Variants in GPR158 observed in about 807,000 individuals in gnomAD.
GPR158 encodes the protein G protein-coupled receptor 158.
Under a neutral mutation model 78.2 loss-of-function variants are expected in GPR158, and 30 were observed. The observed-to-expected ratio is 0.38, with a 90% CI of 0.29 to 0.52. The LOEUF (loss-of-function observed/expected upper bound fraction) is 0.52, where lower values mean the gene tolerates loss of function less well. GPR158 is among the 20% of genes least tolerant of loss of function. GPR158 has a pLI of 0.83. For synonymous variants in GPR158, 581 were observed against 591.1 expected, an observed-to-expected ratio of 0.98 and a Z score of 0.25; for missense variants, 1,463 against 1,523.5, an observed-to-expected ratio of 0.96 and a Z score of 0.66.
At chr10:25,326,204 T>C (rs754823551) in intron 2 of GPR158, among the ~76,000 whole-genome samples, 30 of 152,144 alleles carry the variant, frequency 2.0e-4, no homozygotes, top group Non-Finnish European at 2.9e-4. Context: ...GAACATGTAG[T>C]GTGTGGTTTT....
At chr10:25,216,947 A>G (rs2130677355) in intron 1 of GPR158, among the ~76,000 whole-genome samples, 1 of 152,302 alleles carries the variant, frequency 6.6e-6, no homozygotes, top group East Asian at 1.9e-4. Flanking sequence ...ATGTCATTCC[A>G]AGGAACGTGG....
At chr10:25,328,319 T>C (rs1855065463) in intron 2 of GPR158, among the ~76,000 whole-genome samples, 1 of 152,192 alleles carries the variant, frequency 6.6e-6, no homozygotes, top group South Asian at 2.1e-4. Flanking sequence ...CTGAAGCCTA[T>C]TGATAAACTT....
intron 1 of GPR158, among the ~76,000 whole-genome samples, chr10:25,214,881 GA>G (rs1853185410): frequency 6.6e-6 from 1 of 152,126 alleles, no homozygotes; most frequent in Non-Finnish European, 1.5e-5. Context: ...CTAGCTTAAA[GA>G]ATTGTGAGAA....
chr10:25,232,588 A>G (rs1459335584), intron 2 of GPR158, among the ~76,000 whole-genome samples: 3 of 152,118 alleles, frequency 2.0e-5, no homozygotes, highest in Non-Finnish European at 4.4e-5. Context: ...TGGTATCTTC[A>G]CCAAGACGTT....
intron 4 of GPR158, among the ~76,000 whole-genome samples, chr10:25,426,100 G>A (rs1232598567): frequency 6.6e-6 from 1 of 152,036 alleles, no homozygotes; most frequent in Non-Finnish European, 1.5e-5. Context: ...GCATAGTTTA[G>A]CAAGTCATGG....
At chr10:25,192,786 T>TA (rs547118550) in intron 1 of GPR158, among the ~76,000 whole-genome samples, 4,780 of 148,480 alleles carry the variant, frequency 0.032, 245 homozygotes, top group African/African-American at 0.11. Context: ...AGAAAAATGA[T>TA]AAAAAAAAAT....
At chr10:25,231,957 G>A (rs1270155536) in intron 2 of GPR158, among the ~76,000 whole-genome samples, 1 of 152,110 alleles carries the variant, frequency 6.6e-6, no homozygotes, top group Admixed American at 6.6e-5. Context: ...GCATATGCAG[G>A]GCAGGGCAAG....
At chr10:25,511,955 G>A (rs1836092361) in intron 5 of GPR158, among the ~76,000 whole-genome samples, 1 of 152,122 alleles carries the variant, frequency 6.6e-6, no homozygotes, top group Non-Finnish European at 1.5e-5. Context: ...ATAGGTTGAA[G>A]TCGGGTAATG....
At chr10:25,270,705 C>T (rs112020210) in intron 2 of GPR158, among the ~76,000 whole-genome samples, 214 of 152,300 alleles carry the variant, frequency 1.4e-3, no homozygotes, top group African/African-American at 4.7e-3. Context: ...TCTCCTTCTT[C>T]CTCATCACCT....
chr10:25,567,220 C>T (rs1285917025), intron 6 of GPR158, among the ~76,000 whole-genome samples: 1 of 152,084 alleles, frequency 6.6e-6, no homozygotes, highest in Non-Finnish European at 1.5e-5. Flanking sequence ...TATTAGAAGC[C>T]TTGCATTCTG....
At chr10:25,495,355 C>T (rs905534338) in intron 5 of GPR158, among the ~76,000 whole-genome samples, 7 of 126,974 alleles carry the variant, frequency 5.5e-5, no homozygotes, top group Admixed American at 1.0e-4. Context: ...TGGAGTGGCA[C>T]GATCTTGGCT....
intron 5 of GPR158, among the ~76,000 whole-genome samples, chr10:25,505,461 A>G (rs750128523): frequency 6.6e-5 from 10 of 152,162 alleles, no homozygotes; most frequent in Non-Finnish European, 1.5e-4. Context: ...CCAAGTCCCT[A>G]TGGTTTCTCT....
At chr10:25,200,868 GTT>G (rs56696555) in intron 1 of GPR158, among the ~76,000 whole-genome samples, 9,751 of 113,306 alleles carry the variant, frequency 0.086, 668 homozygotes, top group African/African-American at 0.2. Context: ...TTTTTGTTTT[GTT>G]TTTTTTTTTT....
intron 1 of GPR158, among the ~76,000 whole-genome samples, chr10:25,207,110 C>T (rs143951976): frequency 6.6e-6 from 1 of 152,102 alleles, no homozygotes; most frequent in Non-Finnish European, 1.5e-5. Context: ...AGGAAATCTG[C>T]TCTTTGTCTG....
Position 25,551,010 on chromosome 10 carries a change from G to C in GPR158, c.1439G>C (p.Arg480Pro). 1 of 1,609,652 alleles carries C rather than the reference G, an allele frequency of 6.2e-7. No homozygotes were observed. The highest frequency in any genetic ancestry group is 8.5e-7 in the Non-Finnish European group (1 of 1,176,218). The change falls in exon 6 of 11, where the codon CGC becomes CCC. Residue 480 changes from arginine (R) to proline (P), a missense_variant. Coordinates refer to ENST00000376351, the MANE Select transcript of GPR158 (RefSeq NM_020752.3). ...VILYFEPSTFRCILLRWARLL... is the reference protein window; with the variant it reads ...VILYFEPSTFPCILLRWARLL... ...TTGTACTTTGAGCCAAGCACATTTC[G>C]CTGTATTCTCCTAAGATGGGCTCGT...
intron 2 of GPR158, among the ~76,000 whole-genome samples, chr10:25,228,867 TA>T (rs199962512): frequency 6.7e-5 from 10 of 150,168 alleles, no homozygotes; most frequent in Non-Finnish European, 1.0e-4. Context: ...CCGTCTCTAC[TA>T]AAAAAAAATA....
intron 2 of GPR158, among the ~76,000 whole-genome samples, chr10:25,368,329 A>G (rs1833929788): frequency 6.6e-6 from 1 of 151,844 alleles, no homozygotes; most frequent in Non-Finnish European, 1.5e-5. Flanking sequence ...GGGAGAAAAT[A>G]TTTGCAAATT....
chr10:25,355,297 C>T (rs1243194191), intron 2 of GPR158, among the ~76,000 whole-genome samples: 1 of 151,976 alleles, frequency 6.6e-6, no homozygotes, highest in Non-Finnish European at 1.5e-5. Context: ...ATGAACTATT[C>T]TGCTGCTGAG....
intron 3 of GPR158, among the ~76,000 whole-genome samples, 193 bp downstream of exon 3, chr10:25,396,206 A>G (rs1834360871): frequency 6.6e-6 from 1 of 152,180 alleles, no homozygotes; most frequent in South Asian, 2.1e-4. Flanking sequence ...ATATACCTAA[A>G]ATATTCTTAG....
Sources: gnomAD v4.1 joint callset for allele counts (sites outside exome capture counted in the v4.1 genomes callset) on GRCh38, gnomAD v4.1.1 for gene constraint, MANE v1.5 for transcripts, NCBI Gene and HGNC (gene_info 2026-07-23, HGNC 2026-07-21) for gene names.